Variants in EPM2A observed in about 807,000 individuals in gnomAD.
The protein encoded by EPM2A is EPM2A glucan phosphatase, laforin.
A neutral mutation model predicts 26.5 loss-of-function variants in EPM2A; 21 were observed. That is an observed-to-expected ratio of 0.79 (90% confidence interval 0.56 to 1.14). The LOEUF is 1.14. EPM2A is among the 50% of genes most tolerant of loss of function. EPM2A has a pLI of 0.00. For missense variants in EPM2A, 458 were observed against 440.8 expected, an observed-to-expected ratio of 1.04 and a Z score of -0.35; for synonymous variants, 217 against 177.6, an observed-to-expected ratio of 1.22 and a Z score of -1.76.
At chr6:145,680,736 G>A (rs1328565459) in intron 2 of EPM2A, among the ~76,000 whole-genome samples, 1 of 140,822 alleles carries the variant, frequency 7.1e-6, no homozygotes, top group African/African-American at 2.7e-5. Flanking sequence ...ATTTTTTATG[G>A]CTGCATAGTA....
intron 4 of EPM2A, chr6:145,489,660 C>T (rs1779729188): frequency 3.7e-6 from 5 of 1,335,588 alleles, no homozygotes; most frequent in East Asian, 2.3e-5. Context: ...CTGTTCTGTC[C>T]TCATTCTCTG....
At chr6:145,450,816 G>A (rs755366363) in intron 4 of EPM2A, among the ~76,000 whole-genome samples, 7 of 152,192 alleles carry the variant, frequency 4.6e-5, no homozygotes, top group Non-Finnish European at 7.4e-5. Context: ...AATAACTATA[G>A]ATGAACATTA....
chr6:145,516,275 G>C (rs111675036), intron 2 of EPM2A, among the ~76,000 whole-genome samples: 4 of 152,286 alleles, frequency 2.6e-5, no homozygotes, highest in African/African-American at 7.2e-5. Context: ...TGTAGCTACT[G>C]TTCTCAAGGC....
intron 4 of EPM2A, among the ~76,000 whole-genome samples, chr6:145,460,780 C>T (rs973856): frequency 0.56 from 85,590 of 151,886 alleles, 24,236 homozygotes; most frequent in African/African-American, 0.62. Context: ...ATAAAATCAG[C>T]TAAAAATTTT....
At position 145,719,069 on chromosome 6, in the gene EPM2A, C is replaced by T. The variant is rs1413288875; in HGVS notation, c.301+16129G>A. Among the ~76,000 whole-genome samples, 3 of 152,292 alleles carry T rather than the reference C, an allele frequency of 2.0e-5. No homozygotes were observed. The East Asian group carries it at 5.8e-4, about 29-fold the overall frequency. On this transcript the variant is annotated intron_variant, in intron 1 of 3. Transcript: ENST00000367519. ...CCTTGTGGAAGTCAGTGTGGCGATTCCTCACGGATCTAGAACTAGAAATAC... is the reference window on the plus strand; with the variant it reads ...CCTTGTGGAAGTCAGTGTGGCGATTTCTCACGGATCTAGAACTAGAAATAC...
At chr6:145,489,381 A>G (rs1562355429) in intron 4 of EPM2A, among the ~76,000 whole-genome samples, 1 of 152,188 alleles carries the variant, frequency 6.6e-6, no homozygotes, top group Non-Finnish European at 1.5e-5. Context: ...GCAACCTTGT[A>G]TTAAGAATAT....
At chr6:145,564,438 T>C (rs1780851528) in intron 2 of EPM2A, among the ~76,000 whole-genome samples, 2 of 152,166 alleles carry the variant, frequency 1.3e-5, no homozygotes, top group Non-Finnish European at 2.9e-5. Context: ...CCCAACAGCA[T>C]GAGCAGTGAG....
intron 1 of EPM2A, among the ~76,000 whole-genome samples, chr6:145,688,547 T>G (rs920927399): frequency 6.6e-6 from 1 of 151,878 alleles, no homozygotes; most frequent in African/African-American, 2.4e-5. Context: ...CCAAAAGGAG[T>G]CCTCAAAAGA....
chr6:145,384,806 T>C (rs1778236296), intron 4 of EPM2A, among the ~76,000 whole-genome samples: 1 of 147,728 alleles, frequency 6.8e-6, no homozygotes, highest in East Asian at 2.0e-4. Context: ...AGCAGTTCTA[T>C]TTACCACTTT....
At chr6:145,574,997 C>G (rs915187464) in intron 2 of EPM2A, among the ~76,000 whole-genome samples, 4 of 152,172 alleles carry the variant, frequency 2.6e-5, no homozygotes, top group African/African-American at 9.7e-5. Context: ...CTCAACATCA[C>G]CTCTAGGGGC....
chr6:145,642,738 T>G (rs1680030477), intron 2 of EPM2A, among the ~76,000 whole-genome samples: 1 of 152,168 alleles, frequency 6.6e-6, no homozygotes, highest in African/African-American at 2.4e-5. Flanking sequence ...AAAGTCCTTT[T>G]TAAAGCGAGA....
At chr6:145,672,130 T>C (rs1206813767) in intron 2 of EPM2A, among the ~76,000 whole-genome samples, 1 of 152,228 alleles carries the variant, frequency 6.6e-6, no homozygotes, top group Non-Finnish European at 1.5e-5. Context: ...AATCTCATTC[T>C]AGCATGAAAG....
At chr6:145,411,398 T>G (rs1778641420) in intron 4 of EPM2A, among the ~76,000 whole-genome samples, 1 of 152,202 alleles carries the variant, frequency 6.6e-6, no homozygotes, top group Non-Finnish European at 1.5e-5. Flanking sequence ...TCAAGATATA[T>G]TTGCTACATA....
At chr6:145,471,142 T>C (rs973892735) in intron 4 of EPM2A, among the ~76,000 whole-genome samples, 10 of 152,180 alleles carry the variant, frequency 6.6e-5, no homozygotes. Context: ...AGTGGTAAGA[T>C]AACTCAGCTG....
intron 2 of EPM2A, among the ~76,000 whole-genome samples, chr6:145,513,533 C>T (rs373247791): frequency 6.6e-6 from 1 of 152,108 alleles, no homozygotes; most frequent in Non-Finnish European, 1.5e-5. Flanking sequence ...GATCCAGCAA[C>T]CTTACTACTA....
chr6:145,488,723 T>C (rs1582793877), intron 4 of EPM2A, among the ~76,000 whole-genome samples: 1 of 152,146 alleles, frequency 6.6e-6, no homozygotes, highest in African/African-American at 2.4e-5. Flanking sequence ...TACATGTTTT[T>C]CCCTGTACTT....
intron 2 of EPM2A, among the ~76,000 whole-genome samples, chr6:145,684,450 C>T (rs1415451892): frequency 6.6e-6 from 1 of 152,160 alleles, no homozygotes; most frequent in African/African-American, 2.4e-5. Context: ...GTCAGACCAT[C>T]TCAAGAAGTG....
chr6:145,465,167 C>T (rs1779372513), intron 4 of EPM2A, among the ~76,000 whole-genome samples: 1 of 151,852 alleles, frequency 6.6e-6, no homozygotes, highest in Non-Finnish European at 1.5e-5. Context: ...GGAGGCTTTG[C>T]TCATTTCTTT....
At chr6:145,451,797 T>C (rs1376795702) in intron 4 of EPM2A, among the ~76,000 whole-genome samples, 1 of 152,210 alleles carries the variant, frequency 6.6e-6, no homozygotes, top group Admixed American at 6.5e-5. Context: ...TAATTTTAAT[T>C]TGTATTACAG....
Sources: allele counts gnomAD v4.1 joint callset (sites outside exome capture counted in the v4.1 genomes callset), GRCh38; gene constraint gnomAD v4.1.1; transcripts MANE v1.5; gene names NCBI Gene and HGNC (gene_info 2026-07-23, HGNC 2026-07-21).